Variants in SAXO1 observed in about 807,000 individuals in gnomAD.
SAXO1 encodes the protein 4930500O09Rik.
Under a neutral mutation model 17.5 loss-of-function variants are expected in SAXO1, and 21 were observed. That is an observed-to-expected ratio of 1.20 (90% CI 0.85 to 1.72). The LOEUF (loss-of-function observed/expected upper bound fraction) is 1.72. SAXO1 is among the 40% of genes most tolerant of loss of function. The pLI is 0.00. For missense variants in SAXO1, 843 were observed against 596.0 expected (o/e 1.41, Z -4.32); for synonymous variants, 274 against 216.5 (o/e 1.27, Z -2.33).
chr9:18,960,079 C>G (rs927458506), intron 1 of SAXO1, among the ~76,000 whole-genome samples: 10 of 152,222 alleles, frequency 6.6e-5, no homozygotes, highest in African/African-American at 2.4e-4. Context: ...ATATGTTCAG[C>G]GGCTACTGGA....
rs139169731 is a variant in SAXO1, at chr9:18,929,605, G to A, written c.422-550C>T. Among the ~76,000 whole-genome samples the A allele has an allele frequency of 5.8e-3, 883 of 152,312 alleles. 2 individuals carry two copies. Among genetic ancestry groups the A allele is most frequent in the Non-Finnish European group, 9.1e-3 (621 of 68,030 alleles). ...AAATATGCTGCTCCAAGGGAATAGG[G>A]CATTGTATTGGGTGGTGAGAGAACA... On this transcript the variant is annotated intron_variant, in intron 3 of 3. Coordinates refer to ENST00000380534, the MANE Select transcript of SAXO1 (RefSeq NM_153707.4).
At chr9:19,028,445 G>C (rs1835609785) in intron 1 of SAXO1, among the ~76,000 whole-genome samples, 1 of 152,208 alleles carries the variant, frequency 6.6e-6, no homozygotes, top group Admixed American at 6.5e-5. Flanking sequence ...GAGATAATCA[G>C]ATGCAATTGG....
At chr9:19,002,299 G>A (rs1410225740) in intron 1 of SAXO1, among the ~76,000 whole-genome samples, 9 of 152,210 alleles carry the variant, frequency 5.9e-5, no homozygotes, top group African/African-American at 1.2e-4. Flanking sequence ...ATTCACAGCC[G>A]AATTCTACCA....
intron 1 of SAXO1, among the ~76,000 whole-genome samples, chr9:18,991,690 A>G (rs1833821690): frequency 6.6e-6 from 1 of 152,218 alleles, no homozygotes; most frequent in African/African-American, 2.4e-5. Flanking sequence ...CATTGTGCAC[A>G]TGTACCCTAG....
intron 1 of SAXO1, among the ~76,000 whole-genome samples, chr9:18,990,028 A>AC (rs1178463313): frequency 1.3e-5 from 2 of 152,120 alleles, no homozygotes; most frequent in African/African-American, 2.4e-5. Flanking sequence ...TGCCACCTTT[A>AC]TTTTGCAAAG....
In SAXO1 at chr9:19,045,636, G is replaced by A. The variant is rs116524777; in HGVS notation, c.-158+3573C>T. On this transcript the variant is annotated intron_variant, in intron 1 of 3. Transcript: ENST00000542071. Reference sequence around the variant, plus strand: ...CACCCCATCCCAGTAGAAGAATCCTGGGAGAATCTAACCAGCCAAAGAGCA... The same window carrying A: ...CACCCCATCCCAGTAGAAGAATCCTAGGAGAATCTAACCAGCCAAAGAGCA... Among the ~76,000 whole-genome samples, 413 of 152,262 alleles carry A rather than the reference G, an allele frequency of 2.7e-3. 1 individual carries two copies. Among genetic ancestry groups the A allele is most frequent in the African/African-American group, 8.7e-3 (362 of 41,524 alleles).
chr9:19,008,826 C>T (rs1272424348), intron 1 of SAXO1, among the ~76,000 whole-genome samples: 2 of 152,094 alleles, frequency 1.3e-5, no homozygotes, highest in East Asian at 3.9e-4. Context: ...AGGGCAGGTC[C>T]AGGAGCAACT....
chr9:18,928,936 C>G lies in SAXO1; in HGVS notation c.541G>C (p.Gly181Arg). Residue 181 changes from glycine (G) to arginine (R), a missense_variant, in exon 4 of 4, where the codon GGC becomes CGC. Physicochemically the swap from Gly to Arg is moderately radical, Grantham distance 125. Coordinates refer to ENST00000380534, the MANE Select transcript of SAXO1 (RefSeq NM_153707.4). ...TTACAGCTTATGGTCTTCACAAGGCCTTTTATGGGGTAATCGTCCTGGTGT... is the reference window on the plus strand; with the variant it reads ...TTACAGCTTATGGTCTTCACAAGGCGTTTTATGGGGTAATCGTCCTGGTGT... ...TTHQDDYPIK[G>R]LVKTISCKPL... 1 of 1,614,148 alleles carries G rather than the reference C, an allele frequency of 6.2e-7. No homozygotes were observed. The highest frequency in any genetic ancestry group is 8.5e-7 in the Non-Finnish European group (1 of 1,180,030).
intron 1 of SAXO1, among the ~76,000 whole-genome samples, chr9:19,039,798 A>G (rs1446059156): frequency 6.6e-6 from 1 of 152,076 alleles, no homozygotes; most frequent in Non-Finnish European, 1.5e-5. Flanking sequence ...GGGCCATCTC[A>G]GCTCACTGCA....
chr9:19,012,573 A>G (rs1397292177), intron 1 of SAXO1, among the ~76,000 whole-genome samples: 1 of 152,224 alleles, frequency 6.6e-6, no homozygotes, highest in Non-Finnish European at 1.5e-5. Flanking sequence ...AGGTACCTAC[A>G]AGCACTGTCT....
Position 18,928,101 on chromosome 9 carries a change from A to G in SAXO1, c.1376T>C (p.Val459Ala), listed in dbSNP as rs776500748. 1.2e-6 allele frequency: 2 copies of G among 1,613,636 alleles called. No individual in the cohort carries two copies. The highest frequency in any genetic ancestry group is 1.7e-5 in the Admixed American group (1 of 59,986). ...CTGGTTGGGGTTTTCTGAATCATCT[A>G]CAGAAAGATGGCTGCTCTGCTGAGA... is the stretch of plus-strand genomic sequence containing the variant. ...AGSQQSSHLS[V>A]DDSENPNQRE... Residue 459 changes from valine to alanine, a missense_variant, in exon 4 of 4, where the codon GTA becomes GCA. Coordinates refer to ENST00000380534, the MANE Select transcript of SAXO1 (RefSeq NM_153707.4).
At chr9:19,034,668 T>A (rs1835888958), upstream of SAXO1, among the ~76,000 whole-genome samples, 1 of 152,318 alleles carries the variant, frequency 6.6e-6, no homozygotes, top group East Asian at 1.9e-4. Context: ...GGTGGGAAGC[T>A]GCTCCTTGCC....
At chr9:18,950,664 G>T in intron 2 of SAXO1, 94 bp downstream of exon 2, 1 of 1,093,858 alleles carries the variant, frequency 9.1e-7, no homozygotes, top group Non-Finnish European at 1.3e-6. Context: ...TAATGCATTA[G>T]CACTGCACAT....
In SAXO1 at chr9:18,940,101, C is replaced by T. The variant is rs150439514; in HGVS notation, c.421+1536G>A. On this transcript the variant is annotated intron_variant, in intron 3 of 3. Transcript: ENST00000380534. Reference sequence around the variant, plus strand: ...AAAGATAGGCCATGAAGTAGAGACTCCATGGGGAGGGACAGACACAGGAGC... The same window carrying T: ...AAAGATAGGCCATGAAGTAGAGACTTCATGGGGAGGGACAGACACAGGAGC... Among the ~76,000 whole-genome samples, 790 of 152,218 alleles carry T rather than the reference C, an allele frequency of 5.2e-3. 4 individuals carry two copies. Among genetic ancestry groups the T allele is most frequent in the Non-Finnish European group, 9.2e-3 (629 of 68,000 alleles).
At chr9:18,951,741 AT>A (rs1383590813) in intron 1 of SAXO1, among the ~76,000 whole-genome samples, 1 of 152,112 alleles carries the variant, frequency 6.6e-6, no homozygotes, top group Admixed American at 6.6e-5. Flanking sequence ...TGTCTGTCTC[AT>A]CTGTCAAGCT....
At chr9:19,017,633 G>A (rs1835040365) in intron 1 of SAXO1, among the ~76,000 whole-genome samples, 1 of 152,188 alleles carries the variant, frequency 6.6e-6, no homozygotes, top group South Asian at 2.1e-4. Context: ...TCTGCAAACT[G>A]CCCCACAGCC....
In SAXO1 at chr9:18,928,960, G is replaced by A; in HGVS notation, c.517C>T (p.His173Tyr). Residue 173 changes from histidine (H) to tyrosine (Y), a missense_variant, in exon 4 of 4, where the codon CAC (histidine) becomes TAC (tyrosine). Physicochemically the swap from His to Tyr is moderately conservative, Grantham distance 83 (BLOSUM62 2). Coordinates refer to ENST00000380534, the MANE Select transcript of SAXO1 (RefSeq NM_153707.4). ...CCTTTTATGGGGTAATCGTCCTGGTGTGTGGTTCTGTTATCAAACCTGACT... is the reference window on the plus strand; with the variant it reads ...CCTTTTATGGGGTAATCGTCCTGGTATGTGGTTCTGTTATCAAACCTGACT... ...ASVRFDNRTTHQDDYPIKGLV... is the reference protein window; with the variant it reads ...ASVRFDNRTTYQDDYPIKGLV... 6 of 1,614,216 alleles carry A rather than the reference G, an allele frequency of 3.7e-6. No homozygotes were observed. The highest frequency in any genetic ancestry group is 2.7e-5 in the African/African-American group (2 of 75,054).
intron 1 of SAXO1, among the ~76,000 whole-genome samples, chr9:18,994,887 A>G (rs1012884409): frequency 1.3e-5 from 2 of 152,132 alleles, no homozygotes; most frequent in African/African-American, 4.8e-5. Flanking sequence ...CTACATCCCA[A>G]TTGGACCTGT....
intron 1 of SAXO1, among the ~76,000 whole-genome samples, chr9:19,020,898 C>T: frequency 6.6e-6 from 1 of 152,174 alleles, no homozygotes; most frequent in East Asian, 1.9e-4. Flanking sequence ...ACTCTTCTGG[C>T]CTGCTTGTTC....
Sources: allele counts gnomAD v4.1 joint callset (sites outside exome capture counted in the v4.1 genomes callset), GRCh38; gene constraint gnomAD v4.1.1; transcripts MANE v1.5; gene names NCBI Gene and HGNC (gene_info 2026-07-23, HGNC 2026-07-21).